The following WWOX variants were observed in gnomAD, a reference collection of about 807,000 sequenced individuals.
WWOX encodes the protein WW domain containing oxidoreductase.
Under a neutral mutation model 46.2 loss-of-function variants are expected in WWOX, and 69 were observed. The observed-to-expected ratio is 1.49, with a 90% CI of 1.23 to 1.82. WWOX has a LOEUF of 1.82. Ranked by LOEUF, WWOX falls within the 40% of genes most tolerant of loss-of-function variation. WWOX has a pLI of 0.00. For synonymous variants in WWOX, 359 were observed against 202.6 expected (o/e 1.77, Z -6.56); for missense variants, 919 against 542.6 (o/e 1.69, Z -6.89).
intron 8 of WWOX, among the ~76,000 whole-genome samples, chr16:79,187,363 C>T (rs189722639): frequency 3.9e-5 from 6 of 152,154 alleles, no homozygotes; most frequent in Non-Finnish European, 4.4e-5. Flanking sequence ...TATGCCCCTA[C>T]GAACCAGGTA....
At chr16:78,112,602 C>G (rs550295151) in intron 3 of WWOX, among the ~76,000 whole-genome samples, 3 of 150,548 alleles carry the variant, frequency 2.0e-5, no homozygotes, top group Non-Finnish European at 4.4e-5. Context: ...TTTTGCCTAA[C>G]TTGTGAAAGT....
intron 5 of WWOX, among the ~76,000 whole-genome samples, chr16:78,367,209 G>C (rs2081555906): frequency 6.6e-6 from 1 of 152,028 alleles, no homozygotes; most frequent in African/African-American, 2.4e-5. Context: ...TCAATCTCCT[G>C]ACCTCGTGAT....
At chr16:78,753,166 G>T (rs1172599113) in intron 8 of WWOX, among the ~76,000 whole-genome samples, 1 of 152,086 alleles carries the variant, frequency 6.6e-6, no homozygotes, top group Non-Finnish European at 1.5e-5. Context: ...CGGGCGTGGG[G>T]GCAGGCGCCT....
chr16:78,703,734 A>G (rs2048274701), intron 8 of WWOX, among the ~76,000 whole-genome samples: 2 of 152,048 alleles, frequency 1.3e-5, no homozygotes, highest in African/African-American at 4.8e-5. Context: ...GTTGGGAAGA[A>G]TATCCCAAAA....
At chr16:78,728,873 G>A (rs992785718) in intron 8 of WWOX, among the ~76,000 whole-genome samples, 1 of 152,120 alleles carries the variant, frequency 6.6e-6, no homozygotes, top group Non-Finnish European at 1.5e-5. Context: ...GTTACATGGA[G>A]GTCACAAGAA....
At chr16:78,744,166 G>A (rs2049293593) in intron 8 of WWOX, among the ~76,000 whole-genome samples, 1 of 152,106 alleles carries the variant, frequency 6.6e-6, no homozygotes, top group African/African-American at 2.4e-5. Flanking sequence ...AGATCAGAAG[G>A]TCCGTAAAGG....
At chr16:78,702,669 A>C (rs58136737) in intron 8 of WWOX, among the ~76,000 whole-genome samples, 3,487 of 147,126 alleles carry the variant, frequency 0.024, 121 homozygotes, top group African/African-American at 0.078. Context: ...AAAAGAACAA[A>C]AAAAAAAAAA....
chr16:78,675,400 G>C (rs1331343834), intron 8 of WWOX, among the ~76,000 whole-genome samples: 1 of 152,152 alleles, frequency 6.6e-6, no homozygotes, highest in South Asian at 2.1e-4. Context: ...ACTCATCTCT[G>C]CAGACTAAAG....
At chr16:78,416,361 G>A (rs1203891391) in intron 6 of WWOX, among the ~76,000 whole-genome samples, 1 of 152,172 alleles carries the variant, frequency 6.6e-6, no homozygotes, top group African/African-American at 2.4e-5. Flanking sequence ...CCAATTAAGT[G>A]TCTTTACAAT....
intron 8 of WWOX, among the ~76,000 whole-genome samples, chr16:79,129,003 C>G (rs924528176): frequency 2.0e-5 from 3 of 152,276 alleles, no homozygotes; most frequent in East Asian, 3.9e-4. Context: ...ATGTTGTTTT[C>G]CATTTGCTGG....
At chr16:78,419,639 A>AG (rs1343827339) in intron 6 of WWOX, among the ~76,000 whole-genome samples, 2 of 150,584 alleles carry the variant, frequency 1.3e-5, no homozygotes, top group Admixed American at 1.3e-4. Flanking sequence ...AAAAAAAAAA[A>AG]AAAAAAAAAA....
intron 8 of WWOX, among the ~76,000 whole-genome samples, chr16:78,591,173 T>C (rs16948156): frequency 0.17 from 25,918 of 152,096 alleles, 3,325 homozygotes; most frequent in African/African-American, 0.37. Context: ...AAGATGGTTT[T>C]AGCACTTCCA....
chr16:78,374,133 C>G (rs749912388), intron 5 of WWOX, among the ~76,000 whole-genome samples: 1 of 152,306 alleles, frequency 6.6e-6, no homozygotes, highest in South Asian at 2.1e-4. Context: ...ATCTGAGTTA[C>G]TCCATACATC....
At chr16:78,724,879 C>T (rs1432533919) in intron 8 of WWOX, among the ~76,000 whole-genome samples, 1 of 152,122 alleles carries the variant, frequency 6.6e-6, no homozygotes, top group Non-Finnish European at 1.5e-5. Flanking sequence ...AATTGTGTTG[C>T]TTTGTTTTTC....
At chr16:78,863,567 C>T (rs1435464840) in intron 8 of WWOX, among the ~76,000 whole-genome samples, 3 of 152,084 alleles carry the variant, frequency 2.0e-5, no homozygotes, top group East Asian at 1.9e-4. Flanking sequence ...ATTGTGGCTC[C>T]CTTTGTGAGA....
At chr16:78,471,091 C>G (rs940298512) in intron 8 of WWOX, among the ~76,000 whole-genome samples, 1 of 152,196 alleles carries the variant, frequency 6.6e-6, no homozygotes, top group Non-Finnish European at 1.5e-5. Context: ...ATGCTTCCAG[C>G]CTTAGCGGTT....
chr16:78,160,431 T>C (rs1567605596), intron 4 of WWOX, among the ~76,000 whole-genome samples: 1 of 152,220 alleles, frequency 6.6e-6, no homozygotes, highest in Non-Finnish European at 1.5e-5. Context: ...GGTCTTCTTT[T>C]TAATATATGT....
intron 8 of WWOX, among the ~76,000 whole-genome samples, chr16:78,767,420 A>C (rs889857012): frequency 1.3e-5 from 2 of 151,750 alleles, no homozygotes; most frequent in Admixed American, 1.3e-4. Context: ...CTGCGCCACC[A>C]CACCTGCCAC....
At chr16:78,653,694 GGCATTTTAGA>G (rs1429816204) in intron 8 of WWOX, among the ~76,000 whole-genome samples, 1 of 152,208 alleles carries the variant, frequency 6.6e-6, no homozygotes, top group Non-Finnish European at 1.5e-5. Flanking sequence ...GGTGCATTGT[GGCATTTTAGA>G]GCCACTGATT....
Sources: allele counts gnomAD v4.1 joint callset (sites outside exome capture counted in the v4.1 genomes callset), GRCh38; gene constraint gnomAD v4.1.1; transcripts MANE v1.5; gene names NCBI Gene and HGNC (gene_info 2026-07-23, HGNC 2026-07-21).